Variants in ADCY2 observed in about 807,000 individuals in gnomAD.
ADCY2 encodes adenylate cyclase 2.
ADCY2 carries 31 observed loss-of-function variants against 125.2 expected under a neutral mutation model. The observed-to-expected ratio is 0.25, with a 90% CI of 0.19 to 0.33. ADCY2 has a LOEUF of 0.33. ADCY2 is among the 10% of genes least tolerant of loss of function. ADCY2 has a pLI of 1.00. For synonymous variants in ADCY2, 512 were observed against 548.4 expected, an observed-to-expected ratio of 0.93 and a Z score of 0.93; for missense variants, 904 against 1,418.2, an observed-to-expected ratio of 0.64 and a Z score of 5.82.
intron 16 of ADCY2, among the ~76,000 whole-genome samples, chr5:7,761,075 T>A (rs1445188406): frequency 6.7e-6 from 1 of 150,304 alleles, no homozygotes; most frequent in African/African-American, 2.5e-5. Flanking sequence ...ATGACAAGAT[T>A]TTTCTCTTTT....
chr5:7,713,028 T>A, intron 11 of ADCY2, 129 bp downstream of exon 11: 1 of 649,828 alleles, frequency 1.5e-6, no homozygotes, highest in East Asian at 2.8e-5. Flanking sequence ...AAAGCCCTAT[T>A]AAATTGCTTT....
intron 16 of ADCY2, among the ~76,000 whole-genome samples, chr5:7,761,043 A>G (rs1404779889): frequency 2.0e-5 from 3 of 151,504 alleles, no homozygotes; most frequent in Admixed American, 2.0e-4. Context: ...AATGTTCTGC[A>G]TATCCATCTA....
chr5:7,658,968 A>G (rs1427772373), intron 4 of ADCY2, among the ~76,000 whole-genome samples: 1 of 152,222 alleles, frequency 6.6e-6, no homozygotes, highest in Non-Finnish European at 1.5e-5. Context: ...TCTCACAGAA[A>G]CATCTAGAAA....
chr5:7,797,916 T>C (rs1292469979), intron 20 of ADCY2: 1 of 152,262 alleles, frequency 6.6e-6, no homozygotes, highest in African/African-American at 2.4e-5. Flanking sequence ...CATCTCCAAC[T>C]GGGGGACACC....
At chr5:7,525,860 C>T (rs1365589267) in intron 3 of ADCY2, among the ~76,000 whole-genome samples, 3 of 152,178 alleles carry the variant, frequency 2.0e-5, no homozygotes, top group Admixed American at 2.0e-4. Flanking sequence ...TAACCAGCCT[C>T]CTGTTTCTAC....
At chr5:7,749,004 G>A (rs569790552) in intron 15 of ADCY2, among the ~76,000 whole-genome samples, 70 of 152,328 alleles carry the variant, frequency 4.6e-4, no homozygotes, top group Middle Eastern at 3.4e-3. Flanking sequence ...GCCAGGCTGT[G>A]TGTGGGGTGA....
At chr5:7,630,055 T>G (rs1410058371) in intron 4 of ADCY2, among the ~76,000 whole-genome samples, 1 of 152,226 alleles carries the variant, frequency 6.6e-6, no homozygotes, top group Non-Finnish European at 1.5e-5. Context: ...TGACAGAACA[T>G]TCCTTTTAGT....
At chr5:7,717,036 A>AT (rs1561184750) in intron 11 of ADCY2, 121 bp from the exon 12 acceptor site, 3 of 629,644 alleles carry the variant, frequency 4.8e-6, no homozygotes, top group East Asian at 5.6e-5. Flanking sequence ...TTGCACATGC[A>AT]TGCAACAAAA....
At chr5:7,698,177 G>T in intron 6 of ADCY2, 70 bp from the exon 7 acceptor site, 1 of 1,589,688 alleles carries the variant, frequency 6.3e-7, no homozygotes, top group East Asian at 2.2e-5. Flanking sequence ...GGCGCTTGAT[G>T]ATATTACATG....
chr5:7,688,420 A>C (rs926135334), intron 4 of ADCY2, among the ~76,000 whole-genome samples: 6 of 144,360 alleles, frequency 4.2e-5, no homozygotes, highest in Admixed American at 3.5e-4. Flanking sequence ...GGTGCCTGCC[A>C]CCATGCCCAG....
At chr5:7,695,542 C>T (rs943806753) in intron 5 of ADCY2, among the ~76,000 whole-genome samples, 1 of 152,092 alleles carries the variant, frequency 6.6e-6, no homozygotes, top group Non-Finnish European at 1.5e-5. Context: ...GCTTCACTCC[C>T]CATCTTAACT....
At chr5:7,653,844 C>T (rs765711273) in intron 4 of ADCY2, among the ~76,000 whole-genome samples, 47 of 151,992 alleles carry the variant, frequency 3.1e-4, no homozygotes, top group Non-Finnish European at 5.9e-4. Flanking sequence ...GTGGGTATTT[C>T]CCTATCACAA....
chr5:7,566,529 C>T (rs116066966), intron 3 of ADCY2, among the ~76,000 whole-genome samples: 6,720 of 152,010 alleles, frequency 0.044, 202 homozygotes, highest in Middle Eastern at 0.082. Flanking sequence ...GAGAAAGGGA[C>T]GCTATTCTTA....
At chr5:7,573,614 TTTTTG>T in intron 3 of ADCY2, among the ~76,000 whole-genome samples, 1 of 148,528 alleles carries the variant, frequency 6.7e-6, no homozygotes, top group African/African-American at 2.5e-5. Context: ...TTTTTTTTTT[TTTTTG>T]AGAAAAAAAG....
chr5:7,417,668 G>C lies in ADCY2; in HGVS notation c.408+2898G>C, dbSNP rs1025844424. On this transcript the variant is annotated intron_variant, in intron 2 of 24. Coordinates refer to ENST00000338316, the MANE Select transcript of ADCY2 (RefSeq NM_020546.3). ...TCCCCAGGTTGCATGTCCTTAGAACGATCTTTCCTGACCCCTATCTGTCAC... is the reference window on the plus strand; with the variant it reads ...TCCCCAGGTTGCATGTCCTTAGAACCATCTTTCCTGACCCCTATCTGTCAC... Among the ~76,000 whole-genome samples the C allele has an allele frequency of 2.0e-5, 3 of 152,178 alleles. No individual in the cohort carries two copies. In the South Asian group the frequency reaches 6.2e-4, roughly 32 times the overall value.
chr5:7,568,272 T>C (rs1735966743), intron 3 of ADCY2, among the ~76,000 whole-genome samples: 1 of 152,180 alleles, frequency 6.6e-6, no homozygotes, highest in African/African-American at 2.4e-5. Flanking sequence ...TTTAAATATC[T>C]TGGGCTCTAA....
intron 18 of ADCY2, among the ~76,000 whole-genome samples, chr5:7,779,582 C>A (rs867311420): frequency 8.6e-5 from 13 of 151,940 alleles, no homozygotes; most frequent in Middle Eastern, 3.4e-3. Flanking sequence ...CAACCCCCCC[C>A]CCAACACACA....
chr5:7,702,798 A>G (rs1054585372), intron 7 of ADCY2, among the ~76,000 whole-genome samples: 38 of 152,312 alleles, frequency 2.5e-4, no homozygotes, highest in African/African-American at 3.8e-4. Flanking sequence ...TTGAGGAATC[A>G]CCACACTGTC....
At chr5:7,702,449 G>A (rs1398580783) in intron 7 of ADCY2, among the ~76,000 whole-genome samples, 2 of 151,374 alleles carry the variant, frequency 1.3e-5, no homozygotes, top group East Asian at 2.0e-4. Context: ...TCATTGTTCA[G>A]TTCCCACCTA....
Sources: allele counts gnomAD v4.1 joint callset (sites outside exome capture counted in the v4.1 genomes callset), GRCh38; gene constraint gnomAD v4.1.1; transcripts MANE v1.5; gene names NCBI Gene and HGNC (gene_info 2026-07-23, HGNC 2026-07-21).